Variants in TFEC observed in about 807,000 individuals in gnomAD.
TFEC encodes the protein class E basic helix-loop-helix protein 34.
Under a neutral mutation model 41.6 loss-of-function variants are expected in TFEC, and 31 were observed. The observed-to-expected ratio is 0.74, with a 90% CI of 0.56 to 1.01. The LOEUF is 1.01. Among genes scored for constraint, TFEC ranks in the 50% least tolerant of loss-of-function variants. The pLI is 0.00. For synonymous variants in TFEC, 143 were observed against 140.6 expected (o/e 1.02, Z -0.12); for missense variants, 402 against 404.1 (o/e 0.99, Z 0.04).
intron 1 of TFEC, among the ~76,000 whole-genome samples, chr7:116,144,261 A>G (rs1169174122): frequency 6.6e-6 from 1 of 151,998 alleles, no homozygotes; most frequent in African/African-American, 2.4e-5. Context: ...CAACACAATA[A>G]CTCTAAGAAA....
intron 3 of TFEC, among the ~76,000 whole-genome samples, chr7:116,048,617 G>A (rs1796230147): frequency 6.6e-6 from 1 of 152,018 alleles, no homozygotes; most frequent in Non-Finnish European, 1.5e-5. Flanking sequence ...TTCAAATTCA[G>A]GAAATTCAAA....
Position 115,940,889 on chromosome 7 carries a change from C to T in TFEC, c.706G>A (p.Ala236Thr). ...QARTHGLPTL[A>T]SLGTVDLGAH... The stretch of plus-strand genomic sequence containing the variant: ...CCTAAATCAACCGTGCCAAGTGAAG[C>T]CAGGGTTGGCAGACCATGAGTACGA... The change falls in exon 8 of 8, where the codon GCT (alanine) becomes ACT (threonine). Residue 236 changes from alanine to threonine, a missense_variant. Ala to Thr is a moderately conservative substitution (Grantham distance 58, BLOSUM62 0). Transcript: ENST00000265440. 9 of 1,609,860 alleles carry T rather than the reference C, an allele frequency of 5.6e-6. No individual in the cohort carries two copies. The highest frequency in any genetic ancestry group is 7.6e-6 in the Non-Finnish European group (9 of 1,177,326).
intron 1 of TFEC, among the ~76,000 whole-genome samples, chr7:116,148,526 C>A (rs1309144000): frequency 2.0e-5 from 3 of 152,060 alleles, no homozygotes; most frequent in African/African-American, 7.2e-5. Context: ...TGAGAGGTGG[C>A]TGGATTCTGG....
chr7:116,072,351 T>G (rs1243307134), intron 3 of TFEC, among the ~76,000 whole-genome samples: 1 of 151,652 alleles, frequency 6.6e-6, no homozygotes, highest in Non-Finnish European at 1.5e-5. Context: ...ACTAACTTCT[T>G]AAATAAACAC....
chr7:115,953,314 T>C (rs943212355), intron 5 of TFEC, among the ~76,000 whole-genome samples: 1 of 152,146 alleles, frequency 6.6e-6, no homozygotes, highest in African/African-American at 2.4e-5. Flanking sequence ...TGTAAACTTC[T>C]GGTAAATTGG....
chr7:116,082,884 C>A (rs1384826915), intron 3 of TFEC, among the ~76,000 whole-genome samples: 1 of 151,798 alleles, frequency 6.6e-6, no homozygotes, highest in Non-Finnish European at 1.5e-5. Flanking sequence ...TAATTGGAAT[C>A]ACAAAACTAA....
chr7:116,010,167 G>A (rs1367593026), intron 1 of TFEC, among the ~76,000 whole-genome samples: 1 of 152,168 alleles, frequency 6.6e-6, no homozygotes, highest in African/African-American at 2.4e-5. Context: ...CAAAGGGGCT[G>A]TAGAGGCTAG....
chr7:116,157,470 A>G (rs1202877876), intron 1 of TFEC: 1 of 152,218 alleles, frequency 6.6e-6, no homozygotes, highest in Non-Finnish European at 1.5e-5. Context: ...GAATAACACA[A>G]TAAGGAAAAG....
intron 3 of TFEC, among the ~76,000 whole-genome samples, chr7:116,049,938 G>A (rs1225563728): frequency 1.3e-5 from 2 of 152,128 alleles, no homozygotes; most frequent in Non-Finnish European, 2.9e-5. Context: ...CAATGAGAAT[G>A]AAGACACAAC....
upstream of TFEC, among the ~76,000 whole-genome samples, chr7:116,032,502 T>C (rs1340177310): frequency 6.6e-6 from 1 of 152,066 alleles, no homozygotes; most frequent in Non-Finnish European, 1.5e-5. Flanking sequence ...TATACAGTCA[T>C]AAAAAAGAAT....
chr7:116,046,350 G>C, intron 3 of TFEC, among the ~76,000 whole-genome samples: 1 of 152,144 alleles, frequency 6.6e-6, no homozygotes, highest in East Asian at 1.9e-4. Flanking sequence ...TGAAAAATGG[G>C]TGACGGTTTT....
chr7:115,950,850 T>C (rs1791897052), intron 6 of TFEC, 24 bp downstream of exon 6: 2 of 1,564,288 alleles, frequency 1.3e-6, no homozygotes, highest in East Asian at 2.3e-5. Flanking sequence ...ATAACATTAT[T>C]ATAGAAATGA....
At chr7:116,126,951 T>G (rs570494639) in intron 1 of TFEC, among the ~76,000 whole-genome samples, 1 of 151,680 alleles carries the variant, frequency 6.6e-6, no homozygotes, top group East Asian at 1.9e-4. Context: ...AAATAAATAT[T>G]GCCAAATACG....
At chr7:116,127,704 A>G (rs1393061748) in intron 1 of TFEC, among the ~76,000 whole-genome samples, 1 of 151,760 alleles carries the variant, frequency 6.6e-6, no homozygotes, top group African/African-American at 2.4e-5. Flanking sequence ...AAAAAAAAAA[A>G]AAAAAGATAA....
intron 3 of TFEC, among the ~76,000 whole-genome samples, chr7:116,049,570 C>T (rs997552915): frequency 2.0e-5 from 3 of 152,098 alleles, no homozygotes; most frequent in Admixed American, 6.6e-5. Context: ...GACAGATCAA[C>T]GGGACAGAAA....
chr7:116,110,188 C>T (rs1797821016), intron 3 of TFEC, among the ~76,000 whole-genome samples: 1 of 152,170 alleles, frequency 6.6e-6, no homozygotes, highest in Non-Finnish European at 1.5e-5. Context: ...AACAAACCTG[C>T]ACATTGTGCA....
At chr7:115,975,218 T>TTCTC (rs991656116) in intron 2 of TFEC, among the ~76,000 whole-genome samples, 4 of 151,376 alleles carry the variant, frequency 2.6e-5, no homozygotes, top group Admixed American at 2.6e-4. Flanking sequence ...AAATGGTTGC[T>TTCTC]TCTCTCTCTC....
At chr7:116,088,493 G>A (rs1215448822) in intron 3 of TFEC, among the ~76,000 whole-genome samples, 3 of 152,092 alleles carry the variant, frequency 2.0e-5, no homozygotes, top group Non-Finnish European at 4.4e-5. Flanking sequence ...AACTGGGAAT[G>A]AAAACAGTAT....
rs950706372 is a variant in TFEC, at chr7:115,937,685, C to T, written c.*2866G>A. 2.6e-5 allele frequency: 4 copies of T among 151,768 alleles called. No homozygotes were observed. The East Asian group carries it at 7.8e-4, about 29-fold the overall frequency. The allele number at this position is 151,768 out of a possible 1,614,324, so 9.4% of individuals were successfully genotyped here. ...GGTACACTATTACTTTCCTATGCAA[C>T]CTCATCATTATTAGGATTGGGATAA... On this transcript the variant is annotated 3_prime_UTR_variant, in exon 8 of 8. Coordinates refer to ENST00000265440, the MANE Select transcript of TFEC (RefSeq NM_012252.4).
Sources: gnomAD v4.1 joint callset for allele counts (sites outside exome capture counted in the v4.1 genomes callset) on GRCh38, gnomAD v4.1.1 for gene constraint, MANE v1.5 for transcripts, NCBI Gene and HGNC (gene_info 2026-07-23, HGNC 2026-07-21) for gene names.